Variants in MBP observed in about 807,000 individuals in gnomAD.
MBP encodes the protein myelin basic protein, also known as Golli-MBP.
Under a neutral mutation model 35.8 loss-of-function variants are expected in MBP, and 16 were observed. The observed-to-expected ratio is 0.45, with a 90% confidence interval of 0.30 to 0.68. The LOEUF is 0.68. Ranked by LOEUF, MBP falls within the 30% of genes least tolerant of loss-of-function variation. The probability of loss-of-function intolerance (pLI) is 0.08; values close to 1 mark genes in which losing one functional copy is unlikely to be tolerated. For missense variants in MBP, 380 were observed against 404.7 expected, an observed-to-expected ratio of 0.94 and a Z score of 0.52; for synonymous variants, 143 against 159.6, an observed-to-expected ratio of 0.90 and a Z score of 0.78.
At chr18:77,075,183 T>C (rs79547958) in intron 2 of MBP, among the ~76,000 whole-genome samples, 8,075 of 152,286 alleles carry the variant, frequency 0.053, 304 homozygotes, top group Middle Eastern at 0.085. Flanking sequence ...TCTGGAAGCT[T>C]CTCCCAGGGA....
chr18:77,125,833 T>C (rs1031544343), intron 1 of MBP, among the ~76,000 whole-genome samples: 6 of 151,424 alleles, frequency 4.0e-5, no homozygotes, highest in African/African-American at 1.2e-4. Flanking sequence ...GAAATACTTA[T>C]ATTAGAAAGC....
At chr18:77,028,776 G>A (rs1439073646) in intron 3 of MBP, among the ~76,000 whole-genome samples, 1 of 103,770 alleles carries the variant, frequency 9.6e-6, no homozygotes, top group Non-Finnish European at 2.5e-5. Flanking sequence ...CTCCCGGACG[G>A]GGTGGCTGCT....
chr18:77,077,057 G>A (rs1387637688), intron 2 of MBP, among the ~76,000 whole-genome samples: 1 of 152,028 alleles, frequency 6.6e-6, no homozygotes, highest in Non-Finnish European at 1.5e-5. Flanking sequence ...CCGTGTGTTT[G>A]GTATAAAATT....
At chr18:77,030,584 A>G (rs528000797) in intron 3 of MBP, among the ~76,000 whole-genome samples, 2 of 152,364 alleles carry the variant, frequency 1.3e-5, no homozygotes, top group African/African-American at 4.8e-5. Flanking sequence ...ATAAATCCAT[A>G]TATCTAAATA....
Position 77,104,882 on chromosome 18 carries a change from C to G in MBP, c.51+329G>C, listed in dbSNP as rs191069400. 2.6e-5 allele frequency among the ~76,000 whole-genome samples: 4 copies of G among 152,040 alleles called. 1 individual carries two copies. Among genetic ancestry groups the G allele is most frequent in the Admixed American group, 2.6e-4 (4 of 15,290 alleles). On this transcript the variant is annotated intron_variant, in intron 2 of 8. Transcript: ENST00000355994. ...TCGTCTTCCTCTCCTCCTGGTTTCC[C>G]TCTTTCTCTTTCTTCTTCTCCGTGT... is the stretch of plus-strand genomic sequence containing the variant.
intron 4 of MBP, among the ~76,000 whole-genome samples, chr18:77,002,566 TA>T (rs3838891): frequency 0.25 from 38,180 of 152,140 alleles, 5,010 homozygotes; most frequent in Non-Finnish European, 0.29. Context: ...GTCTTGGTTT[TA>T]AAACACGAGG....
At chr18:77,116,039 T>C (rs12962471) in intron 1 of MBP, among the ~76,000 whole-genome samples, 5,474 of 86,560 alleles carry the variant, frequency 0.063, no homozygotes, top group South Asian at 0.1. Flanking sequence ...CTTTCCAGAG[T>C]CTTCCAGGTT....
In MBP at chr18:76,988,368, C is replaced by A. The variant is rs1327853345; in HGVS notation, c.750+127G>T. ...AAGGCGGCCCGATCCCAGCTGTGGG[C>A]AGAGAGGTCTCGAGAGGAGAGAAAA... On this transcript the variant is annotated intron_variant, in intron 7 of 8. Coordinates refer to ENST00000355994, the MANE Select transcript of MBP (RefSeq NM_001025101.2). The surrounding 1 kb of genome is among the most constrained non-coding windows in gnomAD (Gnocchi z 5.2). The A allele has an allele frequency of 8.1e-6, 13 of 1,612,322 alleles. No homozygotes were observed. Among genetic ancestry groups the A allele is most frequent in the Non-Finnish European group, 1.1e-5 (13 of 1,179,056 alleles).
Position 76,988,740 on chromosome 18 carries a change from CT to C in MBP, c.717+136del. The C allele has an allele frequency of 1.5e-6, 2 of 1,328,080 alleles. No homozygotes were observed. The highest frequency in any genetic ancestry group is 2.7e-5 in the South Asian group (2 of 74,788). The allele number at this position is 1,328,080 out of a possible 1,614,324, so 82.3% of individuals were successfully genotyped here. ...TGCATGGATCTGCCGACCTGTTCTA[CT>C]TGGGAGCTGCCTGGCAACACGTTTT... On this transcript the variant is annotated intron_variant, in intron 6 of 8. Transcript: ENST00000355994. The surrounding 1 kb of genome is among the most constrained non-coding windows in gnomAD (Gnocchi z 5.2).
chr18:77,070,870 G>A (rs1056731395), intron 2 of MBP, among the ~76,000 whole-genome samples: 1 of 152,186 alleles, frequency 6.6e-6, no homozygotes, highest in Non-Finnish European at 1.5e-5. Flanking sequence ...ACGTCGGCGG[G>A]CGGAATCCTG....
In MBP at chr18:77,121,389, G is replaced by A. The variant is rs141427060; in HGVS notation, c.-26+11191C>T. ...TTATTTTGGTGTTGCTTATCTAGCC[G>A]TGTGTTTTAGTGTTAGGACTCTTTC... On this transcript the variant is annotated intron_variant, in intron 1 of 8. Coordinates refer to ENST00000355994, the MANE Select transcript of MBP (RefSeq NM_001025101.2). 5.9e-5 allele frequency among the ~76,000 whole-genome samples: 9 copies of A among 152,200 alleles called. No homozygotes were observed. In the East Asian group the frequency reaches 7.7e-4, roughly 13 times the overall value.
At chr18:77,062,985 A>G (rs776849443) in intron 3 of MBP, among the ~76,000 whole-genome samples, 1 of 152,192 alleles carries the variant, frequency 6.6e-6, no homozygotes, top group Non-Finnish European at 1.5e-5. Flanking sequence ...GAACCTAGAG[A>G]TGACCATCAC....
At chr18:77,023,598 C>G (rs372181003) in intron 3 of MBP, among the ~76,000 whole-genome samples, 1 of 152,168 alleles carries the variant, frequency 6.6e-6, no homozygotes, top group African/African-American at 2.4e-5. Context: ...TGCGCCTGCA[C>G]GGACTCCTCA....
Position 76,988,589 on chromosome 18 carries a change from C to G in MBP, c.718-62G>C, listed in dbSNP as rs1282867404. 1 of 1,573,168 alleles carries G rather than the reference C, an allele frequency of 6.4e-7. No individual in the cohort carries two copies. The highest frequency in any genetic ancestry group is 8.6e-7 in the Non-Finnish European group (1 of 1,160,494). On this transcript the variant is annotated intron_variant, in intron 6 of 8. Transcript: ENST00000355994. This position sits in a 1 kb window ranked among gnomAD's most constrained non-coding sequence, Gnocchi z 5.2. ...TCAGTGAAGGGAAAGTCCTTTCAAT[C>G]AACAGGAAACACAGTCAAAGCACAG...
chr18:76,985,445 A>T, intron 7 of MBP: 1 of 1,194,420 alleles, frequency 8.4e-7, no homozygotes, highest in Non-Finnish European at 1.1e-6. Flanking sequence ...GGAGATCAAG[A>T]GTCCTCGGCC....
chr18:77,033,149 G>A (rs1972603183), intron 3 of MBP, among the ~76,000 whole-genome samples: 3 of 152,024 alleles, frequency 2.0e-5, no homozygotes, highest in African/African-American at 7.2e-5. Context: ...TGTACTTTTA[G>A]TAGAGATGGG....
intron 3 of MBP, among the ~76,000 whole-genome samples, chr18:77,036,584 T>A (rs1421464716): frequency 8.0e-5 from 9 of 112,378 alleles, no homozygotes; most frequent in African/African-American, 3.3e-4. Flanking sequence ...TTTGGAGGAC[T>A]GAGCTGAGCA....
intron 1 of MBP, among the ~76,000 whole-genome samples, chr18:77,126,427 T>C (rs1452915556): frequency 3.9e-5 from 6 of 152,218 alleles, no homozygotes; most frequent in Non-Finnish European, 1.5e-5. Context: ...ATAAAAATCC[T>C]ATAGCTACAT....
At chr18:77,019,703 C>T (rs1275104195) in intron 3 of MBP, among the ~76,000 whole-genome samples, 6 of 152,202 alleles carry the variant, frequency 3.9e-5, no homozygotes, top group Non-Finnish European at 8.8e-5. Context: ...GCAGAGAGGG[C>T]TTGGGTCAGC....
Sources: allele counts gnomAD v4.1 joint callset (sites outside exome capture counted in the v4.1 genomes callset), GRCh38; gene constraint gnomAD v4.1.1; non-coding constraint Gnocchi (gnomAD v3.1); transcripts MANE v1.5; gene names NCBI Gene and HGNC (gene_info 2026-07-23, HGNC 2026-07-21).